Variants in FGF14 observed in about 807,000 individuals in gnomAD.
FGF14 encodes fibroblast growth factor homologous factor 4.
Under a neutral mutation model 25.5 loss-of-function variants are expected in FGF14, and 5 were observed. The ratio of observed to expected loss-of-function variants is 0.20; its 90% CI spans 0.10 to 0.41. FGF14 has a LOEUF of 0.41. Ranked by LOEUF, FGF14 falls within the 10% of genes least tolerant of loss-of-function variation. The probability of loss-of-function intolerance (pLI) is 1.00; values close to 1 mark genes in which losing one functional copy is unlikely to be tolerated. For missense variants in FGF14, 222 were observed against 320.1 expected, an observed-to-expected ratio of 0.69 and a Z score of 2.34; for synonymous variants, 138 against 118.3, an observed-to-expected ratio of 1.17 and a Z score of -1.08.
At chr13:102,347,499 T>C (rs2057145403) in intron 1 of FGF14, among the ~76,000 whole-genome samples, 1 of 152,038 alleles carries the variant, frequency 6.6e-6, no homozygotes. Flanking sequence ...AGGAGGGGGC[T>C]GAGTTTGTAA....
chr13:102,025,932 TA>T lies in FGF14; in HGVS notation c.209-150637del, dbSNP rs566130104. 1.7e-3 allele frequency among the ~76,000 whole-genome samples: 264 copies of T among 152,138 alleles called. 1 individual carries two copies. The highest frequency in any genetic ancestry group is 5.7e-3 in the African/African-American group (237 of 41,534). On this transcript the variant is annotated intron_variant, in intron 1 of 4. Coordinates refer to the FGF14 transcript ENST00000376131. ...TGTGAATTCTTTTGCATTATCTATA[TA>T]GGGGGTTGTGTCATTTGTAAATAGA...
At chr13:102,209,845 T>A (rs1264901952) in intron 1 of FGF14, among the ~76,000 whole-genome samples, 1 of 152,170 alleles carries the variant, frequency 6.6e-6, no homozygotes, top group Non-Finnish European at 1.5e-5. Context: ...AAACAAATTT[T>A]TAATTAAAAA....
intron 1 of FGF14, among the ~76,000 whole-genome samples, chr13:102,169,901 G>A (rs768334376): frequency 2.0e-5 from 3 of 152,144 alleles, no homozygotes; most frequent in Non-Finnish European, 4.4e-5. Flanking sequence ...GAGACTGAAG[G>A]GCTGAAGTTT....
intron 1 of FGF14, among the ~76,000 whole-genome samples, chr13:101,883,280 G>A (rs726139): frequency 0.29 from 44,674 of 152,028 alleles, 6,664 homozygotes; most frequent in South Asian, 0.35. Flanking sequence ...TAGAAAGGCA[G>A]TTCATAACAT....
intron 1 of FGF14, among the ~76,000 whole-genome samples, chr13:101,880,186 A>C (rs1289567264): frequency 1.3e-5 from 2 of 152,106 alleles, no homozygotes; most frequent in East Asian, 3.9e-4. Flanking sequence ...AAATTTTAAC[A>C]CTTCTTCCAC....
At chr13:102,011,691 G>T (rs924063208) in intron 1 of FGF14, among the ~76,000 whole-genome samples, 20 of 152,210 alleles carry the variant, frequency 1.3e-4, no homozygotes, top group African/African-American at 4.8e-4. Context: ...ACAGGGAGTG[G>T]CAGTCTTTAG....
Position 101,850,534 on chromosome 13 carries a change from TATATATA to T in FGF14, c.408+18184_408+18190del, listed in dbSNP as rs1164632684. Among the ~76,000 whole-genome samples, 15 of 10,922 alleles carry T rather than the reference TATATATA, an allele frequency of 1.4e-3. 2 individuals carry two copies. The highest frequency in any genetic ancestry group is 9.7e-3 in the African/African-American group (15 of 1,542). The allele number at this position is 10,922 out of a possible 152,430, so 7.2% of individuals were successfully genotyped here. A position where few individuals can be genotyped will look rare whatever the true frequency, so the allele number is the denominator to read the frequency against. ...TATATAGAATTATATATTCTATATA[TATATATA>T]TATATATATAGAATTATATATTCTA... On this transcript the variant is annotated intron_variant, in intron 3 of 4. Coordinates refer to ENST00000376143, the MANE Select transcript of FGF14 (RefSeq NM_004115.4).
At chr13:102,140,362 C>G (rs1368749586) in intron 1 of FGF14, among the ~76,000 whole-genome samples, 3 of 152,094 alleles carry the variant, frequency 2.0e-5, no homozygotes. Context: ...GTGTACTAGG[C>G]ACAATGTTTG....
intron 1 of FGF14, among the ~76,000 whole-genome samples, chr13:102,298,823 C>T (rs569470137): frequency 6.6e-6 from 1 of 152,226 alleles, no homozygotes; most frequent in East Asian, 1.9e-4. Flanking sequence ...TTTTAAAATT[C>T]CGGTGTCTGA....
At chr13:101,994,154 T>A (rs2039055873) in intron 1 of FGF14, among the ~76,000 whole-genome samples, 1 of 152,022 alleles carries the variant, frequency 6.6e-6, no homozygotes, top group African/African-American at 2.4e-5. Flanking sequence ...TGTATGTACA[T>A]GTGTTTATGT....
chr13:102,140,110 T>TA, intron 1 of FGF14, among the ~76,000 whole-genome samples: 1 of 133,894 alleles, frequency 7.5e-6, no homozygotes, highest in East Asian at 2.4e-4. Flanking sequence ...GGTGACAGAG[T>TA]AGTAAGATTT....
chr13:102,352,679 G>A (rs569306336), intron 1 of FGF14, among the ~76,000 whole-genome samples: 9 of 152,174 alleles, frequency 5.9e-5, no homozygotes, highest in African/African-American at 2.2e-4. Context: ...GGGGGCGGTG[G>A]TGGGCGCCTG....
chr13:102,195,774 G>T (rs1484760845), intron 1 of FGF14, among the ~76,000 whole-genome samples: 1 of 141,558 alleles, frequency 7.1e-6, no homozygotes, highest in Non-Finnish European at 1.5e-5. Flanking sequence ...CCTGGGTGAC[G>T]CAGTGAGACC....
intron 1 of FGF14, among the ~76,000 whole-genome samples, chr13:101,876,513 A>G (rs998333678): frequency 2.0e-5 from 3 of 152,128 alleles, no homozygotes; most frequent in African/African-American, 7.2e-5. Flanking sequence ...TTCAGTATCT[A>G]TTTCTATGCA....
Position 101,916,610 on chromosome 13 carries a change from C to T in FGF14, c.36G>A (p.Gln12=). Residue 12 remains glutamine, a synonymous_variant, in exon 1 of 5, where the codon CAG becomes CAA. Transcript: ENST00000376143. The part of the protein sequence containing the change: ...AAAIASGLIR[Q]KRQAREQHWD... ...AGTGCTGCTCCCGCGCCTGCCGCTTCTGGCGGATCAAGCCGCTAGCGATGG... is the reference window on the plus strand; with the variant it reads ...AGTGCTGCTCCCGCGCCTGCCGCTTTTGGCGGATCAAGCCGCTAGCGATGG... 6.3e-7 allele frequency: 1 copy of T among 1,593,426 alleles called. No homozygotes were observed. Among genetic ancestry groups the T allele is most frequent in the Non-Finnish European group, 8.6e-7 (1 of 1,169,362 alleles).
intron 1 of FGF14, among the ~76,000 whole-genome samples, chr13:102,073,111 G>A (rs2043215905): frequency 6.6e-6 from 1 of 152,112 alleles, no homozygotes; most frequent in Non-Finnish European, 1.5e-5. Flanking sequence ...AATTAGCCGG[G>A]TGTGGTGGCA....
intron 1 of FGF14, among the ~76,000 whole-genome samples, chr13:102,362,001 G>C (rs757916586): frequency 4.0e-5 from 6 of 151,862 alleles, no homozygotes; most frequent in African/African-American, 7.3e-5. Flanking sequence ...AATTTCCATG[G>C]CCACTGCCTT....
chr13:102,366,644 C>T (rs1594960118), intron 1 of FGF14: 1 of 122,862 alleles, frequency 8.1e-6, no homozygotes, highest in Non-Finnish European at 1.7e-5. Context: ...AAAAAAAAAG[C>T]GGTTACTTCT....
intron 1 of FGF14, among the ~76,000 whole-genome samples, chr13:101,906,142 C>T (rs181279685): frequency 5.9e-4 from 90 of 152,198 alleles, no homozygotes; most frequent in African/African-American, 2.1e-3. Context: ...CAGATCCCAC[C>T]CCAGAGAGAA....
Sources: gnomAD v4.1 joint callset for allele counts (sites outside exome capture counted in the v4.1 genomes callset) on GRCh38, gnomAD v4.1.1 for gene constraint, MANE v1.5 for transcripts, NCBI Gene and HGNC (gene_info 2026-07-23, HGNC 2026-07-21) for gene names.